SLC35F1: variants seen among roughly 807,000 people sequenced by gnomAD.
SLC35F1 encodes the protein solute carrier family 35 member F1.
A neutral mutation model predicts 48.7 loss-of-function variants in SLC35F1; 14 were observed. That is an observed-to-expected ratio of 0.29 (90% CI 0.19 to 0.45). The LOEUF (loss-of-function observed/expected upper bound fraction) is 0.45. Among genes scored for constraint, SLC35F1 ranks in the 20% least tolerant of loss-of-function variants. The probability of loss-of-function intolerance (pLI) is 1.00; values close to 1 mark genes in which losing one functional copy is unlikely to be tolerated. For synonymous variants in SLC35F1, 190 were observed against 202.2 expected (o/e 0.94, Z 0.51); for missense variants, 404 against 500.0 (o/e 0.81, Z 1.83).
At position 118,314,729 on chromosome 6, in the gene SLC35F1, A is replaced by T; in HGVS notation, c.*477A>T. 6.2e-6 allele frequency: 1 copy of T among 160,728 alleles called. No homozygotes were observed. Among genetic ancestry groups the T allele is most frequent in the Admixed American group, 5.8e-5 (1 of 17,324 alleles). The allele number at this position is 160,728 out of a possible 1,614,324, so 10.0% of individuals were successfully genotyped here. ...ACAGACTATATGAGTGATGCATGCC[A>T]CAGGAGCTCCACCCCTGAGAAGTTT... is the stretch of plus-strand genomic sequence containing the variant. On this transcript the variant is annotated 3_prime_UTR_variant, in exon 8 of 8. Coordinates refer to ENST00000360388, the MANE Select transcript of SLC35F1 (RefSeq NM_001029858.4).
chr6:118,019,684 T>G (rs1012786464), intron 1 of SLC35F1, among the ~76,000 whole-genome samples: 2 of 152,164 alleles, frequency 1.3e-5, no homozygotes, highest in Non-Finnish European at 2.9e-5. Flanking sequence ...TTACTTTGGA[T>G]AGATGTATTT....
Position 118,128,580 on chromosome 6 carries a change from A to G in SLC35F1, c.174-25865A>G, listed in dbSNP as rs562936638. The stretch of plus-strand genomic sequence containing the variant: ...GCAAGGACAAAAAACCAAACACCGC[A>G]TGTTCTCACTCATAGATGGGAATTG... On this transcript the variant is annotated intron_variant, in intron 1 of 7. Coordinates refer to ENST00000360388, the MANE Select transcript of SLC35F1 (RefSeq NM_001029858.4). Among the ~76,000 whole-genome samples, 1,220 of 152,126 alleles carry G rather than the reference A, an allele frequency of 8.0e-3. 9 individuals carry two copies. Among genetic ancestry groups the G allele is most frequent in the Non-Finnish European group, 0.014 (953 of 68,006 alleles).
chr6:117,998,863 G>A, intron 1 of SLC35F1: 2 of 609,240 alleles, frequency 3.3e-6, no homozygotes, highest in South Asian at 3.7e-5. Flanking sequence ...ACAATTAAAA[G>A]AACTAGAAAA....
intron 1 of SLC35F1, among the ~76,000 whole-genome samples, chr6:118,008,839 C>T (rs1340241688): frequency 1.3e-5 from 2 of 152,180 alleles, no homozygotes; most frequent in Admixed American, 1.3e-4. Flanking sequence ...TCTAAACTCC[C>T]TCTGGAGTTT....
intron 2 of SLC35F1, among the ~76,000 whole-genome samples, chr6:118,208,233 G>A (rs1036189550): frequency 6.6e-6 from 1 of 152,176 alleles, no homozygotes; most frequent in Non-Finnish European, 1.5e-5. Context: ...CCAGGATAAG[G>A]CACGTCCTAT....
At chr6:118,195,910 G>T (rs1222041270) in intron 2 of SLC35F1, among the ~76,000 whole-genome samples, 1 of 152,156 alleles carries the variant, frequency 6.6e-6, no homozygotes, top group African/African-American at 2.4e-5. Context: ...TCCTGGGGTC[G>T]TTAAAGCTCT....
intron 1 of SLC35F1, among the ~76,000 whole-genome samples, chr6:117,975,347 T>C (rs1776692255): frequency 6.6e-6 from 1 of 152,220 alleles, no homozygotes; most frequent in African/African-American, 2.4e-5. Flanking sequence ...TTAAAGACAA[T>C]GTGTGGCCTT....
chr6:118,019,005 G>A (rs974071788), intron 1 of SLC35F1, among the ~76,000 whole-genome samples: 3 of 152,094 alleles, frequency 2.0e-5, no homozygotes, highest in African/African-American at 7.2e-5. Flanking sequence ...TAAGTTGAAT[G>A]GGTCAGTTCA....
chr6:118,024,236 A>C (rs925154571), intron 1 of SLC35F1, among the ~76,000 whole-genome samples: 2 of 152,190 alleles, frequency 1.3e-5, no homozygotes, highest in Non-Finnish European at 2.9e-5. Context: ...CGGCATCCCA[A>C]CATACTCTGT....
Position 118,314,092 on chromosome 6 carries a change from C to G in SLC35F1, c.1067C>G (p.Thr356Ser), listed in dbSNP as rs778986355. ...ATTGGGCTGGTGCTCTACTCCTCCA[C>G]CTCCACCTACATAGCCCAGGACCCC... is the stretch of plus-strand genomic sequence containing the variant. Reference protein sequence around the residue: ...ILIGLVLYSSTSTYIAQDPRV... With the variant: ...ILIGLVLYSSSSTYIAQDPRV... Residue 356 changes from threonine (T) to serine (S), a missense_variant, in exon 8 of 8, where the codon ACC (threonine) becomes AGC (serine). This residue lies in a region of SLC35F1 where 306 missense variants were observed against 419.1 expected (regional missense o/e 0.73). Coordinates refer to ENST00000360388, the MANE Select transcript of SLC35F1 (RefSeq NM_001029858.4). 6.2e-7 allele frequency: 1 copy of G among 1,614,208 alleles called. No individual in the cohort carries two copies. Among genetic ancestry groups the G allele is most frequent in the Non-Finnish European group, 8.5e-7 (1 of 1,180,044 alleles).
At chr6:118,070,981 A>T (rs1772700520) in intron 1 of SLC35F1, among the ~76,000 whole-genome samples, 1 of 142,684 alleles carries the variant, frequency 7.0e-6, no homozygotes, top group Admixed American at 7.4e-5. Flanking sequence ...CACATAGTAT[A>T]TATATTCTAC....
chr6:118,230,315 G>T (rs949377151), intron 2 of SLC35F1, among the ~76,000 whole-genome samples: 2 of 149,782 alleles, frequency 1.3e-5, no homozygotes, highest in Admixed American at 6.7e-5. Flanking sequence ...ACTCCAGGCT[G>T]GTGACACAGC....
Position 118,240,696 on chromosome 6 carries a change from T to C in SLC35F1, c.477+5060T>C, listed in dbSNP as rs1307697970. Among the ~76,000 whole-genome samples, 7 of 152,308 alleles carry C rather than the reference T, an allele frequency of 4.6e-5. No homozygotes were observed. The East Asian group carries it at 1.4e-3, about 29-fold the overall frequency. ...AAGCAATCTAACCCAAACTGGAAGG[T>C]TGGGAAAGATTTTCCTGAAGAACTG... On this transcript the variant is annotated intron_variant, in intron 3 of 7. Coordinates refer to ENST00000360388, the MANE Select transcript of SLC35F1 (RefSeq NM_001029858.4).
At chr6:118,297,688 ATAT>A (rs1776207671) in intron 7 of SLC35F1, among the ~76,000 whole-genome samples, 3 of 113,850 alleles carry the variant, frequency 2.6e-5, no homozygotes, top group Non-Finnish European at 5.3e-5. Flanking sequence ...TGAGAAATAT[ATAT>A]TATATATATA....
At chr6:117,907,983 C>G (rs949414041) in intron 1 of SLC35F1, 84 bp downstream of exon 1, 10 of 1,218,750 alleles carry the variant, frequency 8.2e-6, no homozygotes, top group African/African-American at 1.6e-5. Context: ...TGGGGCGGCC[C>G]ACGGGTCCTT....
At chr6:118,154,145 G>A (rs1272987747) in intron 1 of SLC35F1, among the ~76,000 whole-genome samples, 1 of 152,130 alleles carries the variant, frequency 6.6e-6, no homozygotes, top group East Asian at 1.9e-4. Context: ...GCACCCAGAG[G>A]TCAGTAGCTA....
chr6:117,999,088 G>T (rs1018695500), intron 1 of SLC35F1: 1 of 1,543,982 alleles, frequency 6.5e-7, no homozygotes, highest in Admixed American at 1.7e-5. Flanking sequence ...TGGACCCCAA[G>T]TTCCTGAGGA....
intron 1 of SLC35F1, among the ~76,000 whole-genome samples, chr6:118,010,866 T>G (rs1777235533): frequency 6.6e-6 from 1 of 152,176 alleles, no homozygotes; most frequent in Non-Finnish European, 1.5e-5. Flanking sequence ...ACCTCCTTCC[T>G]TTTCTAACTC....
At chr6:118,273,275 A>T (rs776495854) in intron 4 of SLC35F1, among the ~76,000 whole-genome samples, 13 of 152,186 alleles carry the variant, frequency 8.5e-5, no homozygotes, top group Non-Finnish European at 1.2e-4. Context: ...CTATTCACTG[A>T]AACAGTGTGT....
Sources: gnomAD v4.1 joint callset for allele counts (sites outside exome capture counted in the v4.1 genomes callset) on GRCh38, gnomAD v4.1.1 for gene constraint, gnomAD v4.1.1 regional missense constraint, MANE v1.5 for transcripts, NCBI Gene and HGNC (gene_info 2026-07-23, HGNC 2026-07-21) for gene names.